The following LARP6 variants were observed in gnomAD, a reference collection of about 807,000 sequenced individuals.
LARP6 encodes the protein la-related protein 6.
In LARP6, 18 loss-of-function variants were observed where a neutral mutation model predicts 32.8. The ratio of observed to expected loss-of-function variants is 0.55; its 90% confidence interval spans 0.38 to 0.81. The LOEUF is 0.81. LARP6 is among the 40% of genes least tolerant of loss of function. LARP6 has a pLI of 0.00. For missense variants in LARP6, 598 were observed against 663.1 expected (o/e 0.90, Z 1.08); for synonymous variants, 289 against 267.2 (o/e 1.08, Z -0.80).
chr15:70,833,799 G>A (rs750387302), intron 2 of LARP6, among the ~76,000 whole-genome samples: 1 of 152,112 alleles, frequency 6.6e-6, no homozygotes, highest in East Asian at 1.9e-4. Flanking sequence ...AAGATCTTTC[G>A]CATTTCACTG....
At chr15:70,843,186 C>T (rs1289250136) in intron 1 of LARP6, among the ~76,000 whole-genome samples, 3 of 152,072 alleles carry the variant, frequency 2.0e-5, no homozygotes, top group Non-Finnish European at 4.4e-5. Flanking sequence ...CTCTTTTGCC[C>T]CCACATTTAG....
At chr15:70,841,267 C>T (rs994733073) in intron 1 of LARP6, among the ~76,000 whole-genome samples, 3 of 152,168 alleles carry the variant, frequency 2.0e-5, no homozygotes, top group Non-Finnish European at 4.4e-5. Flanking sequence ...TCCCAATCTT[C>T]CCAAGGTCGG....
intron 1 of LARP6, among the ~76,000 whole-genome samples, chr15:70,845,410 A>G (rs138839561): frequency 1.3e-5 from 2 of 152,218 alleles, no homozygotes; most frequent in Non-Finnish European, 2.9e-5. Context: ...GATTTTTCTG[A>G]TGTTCTCTGT....
intron 1 of LARP6, among the ~76,000 whole-genome samples, chr15:70,851,141 G>A (rs2032440615): frequency 6.6e-6 from 1 of 152,180 alleles, no homozygotes; most frequent in Non-Finnish European, 1.5e-5. Context: ...CAATAATAGT[G>A]TTAGGGCTTT....
rs374386524 is a variant in LARP6 at position 70,832,196 on chromosome 15, C to G, written c.1332G>C (p.Gln444His). Reference sequence around the variant, plus strand: ...GGGGACTCGTACCGGGGCTTTTCTCCTGGGTCCCCATCTCGGCTTGGCGAC... The same window carrying G: ...GGGGACTCGTACCGGGGCTTTTCTCGTGGGTCCCCATCTCGGCTTGGCGAC... The part of the protein sequence containing the change: ...RRRRQAEMGT[Q>H]EKSPGTSPLL... The change falls in exon 3 of 3, where the codon CAG becomes CAC. Residue 444 changes from glutamine to histidine, a missense_variant. Around this residue, in one of 3 missense-constraint regions of LARP6, gnomAD observed 368 missense variants for 397.9 expected, o/e 0.92. Coordinates refer to ENST00000299213, the MANE Select transcript of LARP6 (RefSeq NM_018357.4). 2.5e-6 allele frequency: 4 copies of G among 1,614,106 alleles called. No homozygotes were observed. The highest frequency in any genetic ancestry group is 2.2e-5 in the South Asian group (2 of 91,070).
chr15:70,833,251 T>TGGTATGTG (rs2032089293), intron 2 of LARP6, 135 bp from the exon 3 acceptor site: 1 of 692,408 alleles, frequency 1.4e-6, no homozygotes, highest in Non-Finnish European at 2.4e-6. Flanking sequence ...GAATCATACG[T>TGGTATGTG]GGTATGTGTA....
At chr15:70,851,393 T>C (rs1389358692) in intron 1 of LARP6, 1 of 1,082,034 alleles carries the variant, frequency 9.2e-7, no homozygotes, top group Non-Finnish European at 1.2e-6. Flanking sequence ...GGCATCTTTT[T>C]AATGAAGGAG....
At chr15:70,845,708 A>G (rs2032333475) in intron 1 of LARP6, among the ~76,000 whole-genome samples, 1 of 152,232 alleles carries the variant, frequency 6.6e-6, no homozygotes, top group South Asian at 2.1e-4. Context: ...CAAAAGGTAC[A>G]TGCTGCTTTT....
At chr15:70,849,393 A>AT (rs2032407777) in intron 1 of LARP6, 2 of 156,126 alleles carry the variant, frequency 1.3e-5, no homozygotes, top group Non-Finnish European at 2.8e-5. Context: ...ACAAACAAAA[A>AT]AATATATATA....
chr15:70,837,524 G>A (rs1475955250), intron 1 of LARP6, among the ~76,000 whole-genome samples: 1 of 152,146 alleles, frequency 6.6e-6, no homozygotes, highest in Non-Finnish European at 1.5e-5. Context: ...GTTTCTAGAA[G>A]ACAGTATAGC....
chr15:70,846,787 A>G (rs2032356110), intron 1 of LARP6, among the ~76,000 whole-genome samples: 1 of 152,290 alleles, frequency 6.6e-6, no homozygotes, highest in South Asian at 2.1e-4. Flanking sequence ...AGACATAGTT[A>G]TCTGTAAGTG....
At chr15:70,840,657 G>T (rs1426278433) in intron 1 of LARP6, among the ~76,000 whole-genome samples, 1 of 152,184 alleles carries the variant, frequency 6.6e-6, no homozygotes, top group East Asian at 1.9e-4. Flanking sequence ...AATCACAGGG[G>T]ATGGGGCCGG....
chr15:70,841,419 C>T (rs939570070), intron 1 of LARP6, among the ~76,000 whole-genome samples: 7 of 152,198 alleles, frequency 4.6e-5, no homozygotes, highest in African/African-American at 1.7e-4. Flanking sequence ...TGTTCTGTGT[C>T]TCTAGACATC....
At chr15:70,849,531 T>C (rs2032410217) in intron 1 of LARP6, 1 of 152,228 alleles carries the variant, frequency 6.6e-6, no homozygotes, top group Non-Finnish European at 1.5e-5. Flanking sequence ...CAGAGATTAC[T>C]GTGGAAATGG....
In LARP6 at chr15:70,853,976, G is replaced by A. The variant is rs1368682123; in HGVS notation, c.113C>T (p.Ala38Val). ...CGGGTCCCCGGCGCCCCGAGTCTCC[G>A]CCCCCTCCTCCTCGTCCTCCAACTC... ...VDELEDEEEG[A>V]ETRGAGDPAR... The change falls in exon 1 of 3, where the codon GCG becomes GTG. Residue 38 changes from alanine to valine, a missense_variant. By Grantham distance (64) the Ala-to-Val change is moderately conservative. Coordinates refer to ENST00000299213, the MANE Select transcript of LARP6 (RefSeq NM_018357.4). 4.1e-6 allele frequency: 6 copies of A among 1,460,456 alleles called. No homozygotes were observed. The highest frequency in any genetic ancestry group is 5.4e-6 in the Non-Finnish European group (6 of 1,101,156). 90.5% of individuals were successfully genotyped at this position (1,460,456 alleles called of 1,614,324 possible).
At chr15:70,836,207 G>A in intron 2 of LARP6, 88 bp downstream of exon 2, 2 of 1,095,372 alleles carry the variant, frequency 1.8e-6, no homozygotes, top group Middle Eastern at 2.0e-4. Context: ...TCGTCATCAG[G>A]TTTCAAGGGA....
rs187651327 is a variant in LARP6 at position 70,842,693 on chromosome 15, T to C, written c.201-6188A>G. ...ACCTTCCTTTCACACAGTCTCACAG[T>C]AGACTATCCATAATGTATTGGGGGT... On this transcript the variant is annotated intron_variant, in intron 1 of 2. Coordinates refer to ENST00000299213, the MANE Select transcript of LARP6 (RefSeq NM_018357.4). Among the ~76,000 whole-genome samples the C allele has an allele frequency of 7.2e-5, 11 of 152,308 alleles. No individual in the cohort carries two copies. The East Asian group carries it at 1.5e-3, about 21-fold the overall frequency.
In LARP6 at chr15:70,845,969, C is replaced by CT. The variant is rs1050963836; in HGVS notation, c.200+7919dup. ...ATTCCTTTAGAAAATAATCTTGTCT[C>CT]TTTTTTTTCCCCCTTAAAAATAAAA... On this transcript the variant is annotated intron_variant, in intron 1 of 2. Coordinates refer to ENST00000299213, the MANE Select transcript of LARP6 (RefSeq NM_018357.4). 5.3e-5 allele frequency among the ~76,000 whole-genome samples: 8 copies of CT among 152,274 alleles called. No homozygotes were observed. The East Asian group carries it at 9.6e-4, about 18-fold the overall frequency.
intron 1 of LARP6, among the ~76,000 whole-genome samples, chr15:70,837,145 T>G (rs1033909180): frequency 6.6e-6 from 1 of 151,956 alleles, no homozygotes; most frequent in Non-Finnish European, 1.5e-5. Flanking sequence ...GAGGCTGAGG[T>G]AGGTGGCCTG....
Sources: gnomAD v4.1 joint callset for allele counts (sites outside exome capture counted in the v4.1 genomes callset) on GRCh38, gnomAD v4.1.1 for gene constraint, gnomAD v4.1.1 regional missense constraint, MANE v1.5 for transcripts, NCBI Gene and HGNC (gene_info 2026-07-23, HGNC 2026-07-21) for gene names.